HABP4: variants seen among roughly 807,000 people sequenced by gnomAD.
The protein encoded by HABP4 is intracellular hyaluronan-binding protein 4.
A neutral mutation model predicts 44.1 loss-of-function variants in HABP4; 32 were observed. The ratio of observed to expected loss-of-function variants is 0.73; its 90% CI spans 0.55 to 0.97. The LOEUF (loss-of-function observed/expected upper bound fraction) is 0.97, where lower values mean the gene tolerates loss of function less well. Ranked by LOEUF, HABP4 falls within the 50% of genes least tolerant of loss-of-function variation. The pLI, the probability that HABP4 is intolerant of heterozygous loss-of-function variation, is 0.00. For synonymous variants in HABP4, 216 were observed against 218.0 expected (o/e 0.99, Z 0.08); for missense variants, 503 against 561.9 (o/e 0.90, Z 1.06).
chr9:96,468,778 T>A (rs1832649038), intron 4 of HABP4, among the ~76,000 whole-genome samples: 1 of 152,256 alleles, frequency 6.6e-6, no homozygotes, highest in East Asian at 1.9e-4. Context: ...TAGAGATAAA[T>A]TTTATGTATG....
intron 5 of HABP4, among the ~76,000 whole-genome samples, chr9:96,475,377 A>G (rs913421093): frequency 2.1e-5 from 3 of 143,974 alleles, no homozygotes; most frequent in Non-Finnish European, 3.0e-5. Context: ...CTCCGTCTCA[A>G]CAACAACAAC....
intron 2 of HABP4, among the ~76,000 whole-genome samples, chr9:96,463,364 C>T (rs1413879072): frequency 6.6e-6 from 1 of 151,946 alleles, no homozygotes. Context: ...AAGCGATTCT[C>T]CTGCTGCAGT....
chr9:96,453,869 T>C (rs1715006850), intron 1 of HABP4, among the ~76,000 whole-genome samples: 1 of 151,830 alleles, frequency 6.6e-6, no homozygotes, highest in Non-Finnish European at 1.5e-5. Context: ...GATCTCTTAG[T>C]ACTAAATTGT....
rs765605898 is a variant in HABP4, at chr9:96,470,965, G to C, written c.744-46G>C. ...CCTTCTTAAACATACAAAGGCATTG[G>C]TATGAATGTATTTGTGTGACTAGAG... On this transcript the variant is annotated intron_variant, in intron 4 of 7. Coordinates refer to ENST00000375249, the MANE Select transcript of HABP4 (RefSeq NM_014282.4). 43 of 1,044,866 alleles carry C rather than the reference G, an allele frequency of 4.1e-5. No individual in the cohort carries two copies. In the South Asian group the frequency reaches 5.3e-4, roughly 13 times the overall value. The allele number at this position is 1,044,866 out of a possible 1,614,324, so 64.7% of individuals were successfully genotyped here. A position where few individuals can be genotyped will look rare whatever the true frequency, so the allele number is the denominator to read the frequency against.
Position 96,490,682 on chromosome 9 carries a change from GCA to G in HABP4, c.*653_*654del, listed in dbSNP as rs1021659884. 30 of 152,242 alleles carry G rather than the reference GCA, an allele frequency of 2.0e-4. No individual in the cohort carries two copies. Among genetic ancestry groups the G allele is most frequent in the African/African-American group, 7.0e-4 (29 of 41,550 alleles). The allele number at this position is 152,242 out of a possible 1,614,324, so 9.4% of individuals were successfully genotyped here. A position where few individuals can be genotyped will look rare whatever the true frequency, so the allele number is the denominator to read the frequency against. ...ACTACCTCGTGGTTTCTGTGTGTGT[GCA>G]CACACACATCTAGTGTTTGGGTGGT... On this transcript the variant is annotated 3_prime_UTR_variant, in exon 8 of 8. Transcript: ENST00000375249.
At position 96,450,776 on chromosome 9, in the gene HABP4, G is replaced by C. The variant is rs1278588623; in HGVS notation, c.349+148G>C. On this transcript the variant is annotated intron_variant, in intron 1 of 7. Coordinates refer to ENST00000375249, the MANE Select transcript of HABP4 (RefSeq NM_014282.4). This position sits in a 1 kb window ranked among gnomAD's most constrained non-coding sequence, Gnocchi z 4.8. ...GCCGAAGGTAGGAGGAGAGGGGCAG[G>C]GGTCACACCCCTTCCAGCTCTCGCC... is the stretch of plus-strand genomic sequence containing the variant. The C allele has an allele frequency of 3.2e-6, 2 of 617,948 alleles. No homozygotes were observed. Among genetic ancestry groups the C allele is most frequent in the Middle Eastern group, 5.1e-4 (1 of 1,972 alleles). 38.3% of individuals were successfully genotyped at this position (617,948 alleles called of 1,614,324 possible). A position where few individuals can be genotyped will look rare whatever the true frequency, so the allele number is the denominator to read the frequency against.
intron 1 of HABP4, among the ~76,000 whole-genome samples, chr9:96,456,032 G>C (rs1346585855): frequency 6.6e-6 from 1 of 152,122 alleles, no homozygotes; most frequent in African/African-American, 2.4e-5. Context: ...TCCAGCCTGG[G>C]TGACAGAGCG....
At chr9:96,471,236 G>A (rs542794369) in intron 5 of HABP4, 142 bp downstream of exon 5, 1,218 of 606,010 alleles carry the variant, frequency 2.0e-3, no homozygotes, top group Non-Finnish European at 2.9e-3. Flanking sequence ...TCCACTTCCT[G>A]GGTTCAAGCG....
In HABP4 at chr9:96,450,592, C is replaced by A; in HGVS notation, c.313C>A (p.Arg105=). ...GAGCCTCCCGGCGCCCGTCGCTCAGCGGCCCGATAGCCCCGGGGGCGGCCT... is the reference window on the plus strand; with the variant it reads ...GAGCCTCCCGGCGCCCGTCGCTCAGAGGCCCGATAGCCCCGGGGGCGGCCT... The part of the protein sequence containing the change: ...RKSLPAPVAQ[R]PDSPGGGLQA... The change falls in exon 1 of 8, where the codon CGG becomes AGG. Residue 105 remains arginine, a synonymous_variant. Coordinates refer to ENST00000375249, the MANE Select transcript of HABP4 (RefSeq NM_014282.4). This position sits in a 1 kb window ranked among gnomAD's most constrained non-coding sequence, Gnocchi z 4.8. 4 of 1,283,970 alleles carry A rather than the reference C, an allele frequency of 3.1e-6. No individual in the cohort carries two copies. Among genetic ancestry groups the A allele is most frequent in the Non-Finnish European group, 3.9e-6 (4 of 1,015,570 alleles). The allele number at this position is 1,283,970 out of a possible 1,614,324, so 79.5% of individuals were successfully genotyped here.
chr9:96,451,358 G>C (rs1438210191), intron 1 of HABP4: 2 of 282,196 alleles, frequency 7.1e-6, no homozygotes, highest in African/African-American at 4.6e-5. Context: ...GCGCAGCGTG[G>C]TGTCCTGCTG....
intron 5 of HABP4, among the ~76,000 whole-genome samples, chr9:96,478,914 C>T (rs1832830992): frequency 6.6e-6 from 1 of 152,030 alleles, no homozygotes; most frequent in African/African-American, 2.4e-5. Flanking sequence ...TGTGGGCCAC[C>T]GTGTCTAGCT....
intron 1 of HABP4, among the ~76,000 whole-genome samples, chr9:96,452,591 T>G (rs1455731194): frequency 6.6e-6 from 1 of 152,166 alleles, no homozygotes; most frequent in African/African-American, 2.4e-5. Flanking sequence ...TAGTTGATTT[T>G]GTAGTTAGAA....
intron 5 of HABP4, among the ~76,000 whole-genome samples, chr9:96,471,990 T>C (rs1832706391): frequency 6.6e-6 from 1 of 152,138 alleles, no homozygotes; most frequent in South Asian, 2.1e-4. Context: ...GGTTTCTCCA[T>C]GTTGATCAGG....
At position 96,465,336 on chromosome 9, in the gene HABP4, G is replaced by A. The variant is rs778054127; in HGVS notation, c.513-1G>A. ...TTTTTATTATATCCACTCCTTCCTA[G>A]ACCAGGTGATAGGTTTGATCGAGAC... On this transcript the variant is annotated splice_acceptor_variant, in intron 2 of 7. Coordinates refer to ENST00000375249, the MANE Select transcript of HABP4 (RefSeq NM_014282.4). LOFTEE classifies it high-confidence loss of function. 2 of 1,601,824 alleles carry A rather than the reference G, an allele frequency of 1.2e-6. No homozygotes were observed. The highest frequency in any genetic ancestry group is 2.2e-5 in the East Asian group (1 of 44,842).
chr9:96,454,594 C>T (rs895833842), intron 1 of HABP4, among the ~76,000 whole-genome samples: 5 of 152,060 alleles, frequency 3.3e-5, no homozygotes, highest in Admixed American at 2.0e-4. Context: ...GGACTACAGA[C>T]GCCCGCCACC....
chr9:96,481,620 C>T (rs1832881732), intron 5 of HABP4, among the ~76,000 whole-genome samples: 1 of 151,892 alleles, frequency 6.6e-6, no homozygotes. Flanking sequence ...TGGCTCGTAC[C>T]TGTAGTCCCA....
intron 1 of HABP4, among the ~76,000 whole-genome samples, chr9:96,453,311 T>C (rs1832319774): frequency 6.6e-6 from 1 of 151,984 alleles, no homozygotes; most frequent in Non-Finnish European, 1.5e-5. Flanking sequence ...CTTGACCTCA[T>C]GATCTGCTTG....
At chr9:96,478,422 T>C (rs752858773) in intron 5 of HABP4, among the ~76,000 whole-genome samples, 10 of 152,272 alleles carry the variant, frequency 6.6e-5, no homozygotes, top group Non-Finnish European at 7.4e-5. Flanking sequence ...TGAGCCACCG[T>C]GCCCGTCCTG....
In HABP4 at chr9:96,490,206, G is replaced by A; in HGVS notation, c.*168G>A. 2 of 607,606 alleles carry A rather than the reference G, an allele frequency of 3.3e-6. No individual in the cohort carries two copies. Among genetic ancestry groups the A allele is most frequent in the Non-Finnish European group, 5.9e-6 (2 of 339,282 alleles). The allele number at this position is 607,606 out of a possible 1,614,324, so 37.6% of individuals were successfully genotyped here. ...GAGCTGTTAGAGGGGCTTCTCCAGA[G>A]GCTCGAGAGCAGGCCATTTCCCAAG... On this transcript the variant is annotated 3_prime_UTR_variant, in exon 8 of 8. Coordinates refer to ENST00000375249, the MANE Select transcript of HABP4 (RefSeq NM_014282.4).
Sources: allele counts gnomAD v4.1 joint callset (sites outside exome capture counted in the v4.1 genomes callset), GRCh38; gene constraint gnomAD v4.1.1; non-coding constraint Gnocchi (gnomAD v3.1); transcripts MANE v1.5; gene names NCBI Gene and HGNC (gene_info 2026-07-23, HGNC 2026-07-21).